Variants in KIAA0319L observed in about 807,000 individuals in gnomAD.
KIAA0319L encodes dyslexia-associated protein KIAA0319-like protein.
In KIAA0319L, 55 loss-of-function variants were observed where a neutral mutation model predicts 120.1. The observed-to-expected ratio is 0.46, with a 90% CI of 0.37 to 0.57. The LOEUF (loss-of-function observed/expected upper bound fraction) is 0.57. KIAA0319L is among the 20% of genes least tolerant of loss of function. The pLI is 0.00. For missense variants in KIAA0319L, 1,049 were observed against 1,255.3 expected (o/e 0.84, Z 2.48); for synonymous variants, 398 against 471.9 (o/e 0.84, Z 2.03).
intron 2 of KIAA0319L, among the ~76,000 whole-genome samples, chr1:35,546,884 G>T (rs1409820909): frequency 6.6e-6 from 1 of 151,572 alleles, no homozygotes; most frequent in Non-Finnish European, 1.5e-5. Flanking sequence ...ATGTAAAATG[G>T]TGCAGCTGCT....
At chr1:35,478,043 A>C (rs1643978424) in intron 4 of KIAA0319L, among the ~76,000 whole-genome samples, 2 of 152,202 alleles carry the variant, frequency 1.3e-5, no homozygotes, top group South Asian at 4.1e-4. Context: ...TGTGGTGCTT[A>C]TATACAATGG....
At chr1:35,451,983 T>G (rs1642100406) in intron 12 of KIAA0319L, among the ~76,000 whole-genome samples, 2 of 152,212 alleles carry the variant, frequency 1.3e-5, no homozygotes, top group South Asian at 4.1e-4. Flanking sequence ...AAAATTCAAA[T>G]AGCTTTCAAA....
intron 2 of KIAA0319L, among the ~76,000 whole-genome samples, chr1:35,508,490 G>A (rs1645294164): frequency 6.6e-6 from 1 of 152,066 alleles, no homozygotes. Context: ...GGAAGGTAAA[G>A]GCAAGCTTCT....
chr1:35,516,671 T>C (rs997907063), intron 2 of KIAA0319L, among the ~76,000 whole-genome samples: 6 of 152,182 alleles, frequency 3.9e-5, no homozygotes, highest in Admixed American at 2.0e-4. Flanking sequence ...CTTTTACGAA[T>C]CTTATTCAAC....
chr1:35,543,372 T>C (rs746206195), intron 2 of KIAA0319L, among the ~76,000 whole-genome samples: 6 of 152,182 alleles, frequency 3.9e-5, no homozygotes, highest in Non-Finnish European at 5.9e-5. Flanking sequence ...GTTAAGAATA[T>C]AGGACAATTT....
intron 3 of KIAA0319L, among the ~76,000 whole-genome samples, chr1:35,503,130 C>A (rs1392795472): frequency 2.6e-5 from 4 of 152,152 alleles, no homozygotes; most frequent in Admixed American, 6.6e-5. Context: ...TACCCACTCC[C>A]CCCAATCCCA....
chr1:35,495,451 T>C (rs1360499463), intron 3 of KIAA0319L, among the ~76,000 whole-genome samples: 1 of 151,910 alleles, frequency 6.6e-6, no homozygotes, highest in Non-Finnish European at 1.5e-5. Context: ...AAAAACACAA[T>C]CCATAATAGA....
rs574703256 is a variant in KIAA0319L at position 35,482,224 on chromosome 1, C to T, written c.667-3012G>A. Among the ~76,000 whole-genome samples, 432 of 152,180 alleles carry T rather than the reference C, an allele frequency of 2.8e-3. 2 individuals carry two copies. The highest frequency in any genetic ancestry group is 4.5e-3 in the Non-Finnish European group (309 of 68,012). On this transcript the variant is annotated intron_variant, in intron 3 of 20. Transcript: ENST00000325722. ...GAGAGGGGCAGTCTGGCTTATTTCA[C>T]TCAGAAAAATTATTTTGTATGAATA...
chr1:35,524,943 TTCTA>T (rs1330327763), intron 2 of KIAA0319L, among the ~76,000 whole-genome samples: 1 of 152,166 alleles, frequency 6.6e-6, no homozygotes, highest in Non-Finnish European at 1.5e-5. Context: ...AATTTGTTCC[TTCTA>T]TCTAGCTGTG....
chr1:35,499,507 G>C (rs998853812), intron 3 of KIAA0319L, among the ~76,000 whole-genome samples: 9 of 152,136 alleles, frequency 5.9e-5, no homozygotes. Context: ...CCAGAACAGT[G>C]AGAAATAAAT....
Position 35,554,393 on chromosome 1 carries a change from C to T in KIAA0319L, c.99G>A (p.Leu33=). The T allele has an allele frequency of 6.2e-7, 1 of 1,611,226 alleles. No individual in the cohort carries two copies. Among genetic ancestry groups the T allele is most frequent in the South Asian group, 1.1e-5 (1 of 90,364 alleles). ...CGCTGAAGCAAAAGCAAGTATAAAACAGGTACAGGCTTCTCAACCACTTCG... is the reference window on the plus strand; with the variant it reads ...CGCTGAAGCAAAAGCAAGTATAAAATAGGTACAGGCTTCTCAACCACTTCG... The part of the protein sequence containing the change: ...TSAKWLRSLY[L]FYTCFCFSVL... Residue 33 remains leucine, a synonymous_variant, in exon 2 of 21, where the codon CTG becomes CTA. Coordinates refer to ENST00000325722, the MANE Select transcript of KIAA0319L (RefSeq NM_024874.5).
At chr1:35,471,020 C>T in intron 5 of KIAA0319L, 60 bp from the exon 6 acceptor site, 1 of 929,868 alleles carries the variant, frequency 1.1e-6, no homozygotes, top group Non-Finnish European at 1.8e-6. Context: ...AGAGGACAGC[C>T]ACATAGCCTG....
intron 3 of KIAA0319L, among the ~76,000 whole-genome samples, chr1:35,505,041 T>A (rs983490020): frequency 6.6e-6 from 1 of 152,216 alleles, no homozygotes; most frequent in African/African-American, 2.4e-5. Context: ...AGCTTAAACT[T>A]TCTTTCTTTA....
At chr1:35,454,690 A>T in intron 10 of KIAA0319L, 12 of 1,267,446 alleles carry the variant, frequency 9.5e-6, no homozygotes, top group Non-Finnish European at 1.2e-5. Context: ...CAAGGAAACA[A>T]CCCTCTCTGA....
chr1:35,454,158 G>A (rs1558313029), intron 11 of KIAA0319L: 10 of 524,420 alleles, frequency 1.9e-5, no homozygotes, highest in Non-Finnish European at 3.4e-5. Flanking sequence ...GCCAAGGGAA[G>A]GGCACAAGCT....
chr1:35,458,089 C>A (rs775134339), intron 9 of KIAA0319L, among the ~76,000 whole-genome samples: 3 of 152,178 alleles, frequency 2.0e-5, no homozygotes. Context: ...CTACCTGCCA[C>A]CATGCTCAGC....
chr1:35,486,401 A>G (rs1004772931), intron 3 of KIAA0319L, among the ~76,000 whole-genome samples: 1 of 150,610 alleles, frequency 6.6e-6, no homozygotes, highest in Non-Finnish European at 1.5e-5. Flanking sequence ...AAAAAAAAGA[A>G]TAAGTTTTTC....
At position 35,550,153 on chromosome 1, in the gene KIAA0319L, G is replaced by C. The variant is rs182035486; in HGVS notation, c.142+4197C>G. On this transcript the variant is annotated intron_variant, in intron 2 of 20. Transcript: ENST00000325722. The stretch of plus-strand genomic sequence containing the variant: ...AATGCTTTCTAACAGTAGGGCTTCA[G>C]TACTGAACCCAAAAGTGGAAATAAA... Among the ~76,000 whole-genome samples, 184 of 152,320 alleles carry C rather than the reference G, an allele frequency of 1.2e-3. 1 individual carries two copies. The highest frequency in any genetic ancestry group is 3.9e-3 in the African/African-American group (164 of 41,572).
intron 3 of KIAA0319L, among the ~76,000 whole-genome samples, chr1:35,496,142 G>A (rs1423747551): frequency 6.6e-5 from 10 of 152,004 alleles, no homozygotes; most frequent in East Asian, 1.9e-4. Flanking sequence ...AATATAGGCC[G>A]GTTATGGTGG....
Sources: allele counts gnomAD v4.1 joint callset (sites outside exome capture counted in the v4.1 genomes callset), GRCh38; gene constraint gnomAD v4.1.1; transcripts MANE v1.5; gene names NCBI Gene and HGNC (gene_info 2026-07-23, HGNC 2026-07-21).